IGFL2: variants seen among roughly 807,000 people sequenced by gnomAD.
IGFL2 encodes IGF like family member 2.
A neutral mutation model predicts 13.9 loss-of-function variants in IGFL2; 7 were observed. The ratio of observed to expected loss-of-function variants is 0.51; its 90% confidence interval spans 0.29 to 0.95. IGFL2 has a LOEUF of 0.95. Among genes scored for constraint, IGFL2 ranks in the 40% least tolerant of loss-of-function variants. The pLI is 0.08. For missense variants in IGFL2, 138 were observed against 147.8 expected, an observed-to-expected ratio of 0.93 and a Z score of 0.34; for synonymous variants, 55 against 55.8, an observed-to-expected ratio of 0.99 and a Z score of 0.07.
At chr19:46,134,427 A>T in the IGFL2 span, among the ~76,000 whole-genome samples, 1 of 152,176 alleles carries the variant, frequency 6.6e-6, no homozygotes, top group African/African-American at 2.4e-5. Flanking sequence ...TATTATTGTT[A>T]CATTGTAATA....
At chr19:46,133,994 T>A in the IGFL2 span, among the ~76,000 whole-genome samples, 1 of 152,154 alleles carries the variant, frequency 6.6e-6, no homozygotes, top group Non-Finnish European at 1.5e-5. Flanking sequence ...AGGGCTTTTT[T>A]TATTAGGCAA....
At chr19:46,197,436 C>A in the IGFL2 span, 1 of 155,462 alleles carries the variant, frequency 6.4e-6, no homozygotes, top group South Asian at 2.0e-4. Flanking sequence ...TTCCTCCCTT[C>A]GTTTTTATTT....
chr19:46,206,294 C>T, the IGFL2 span, among the ~76,000 whole-genome samples: 17 of 152,210 alleles, frequency 1.1e-4, no homozygotes, highest in African/African-American at 3.9e-4. Flanking sequence ...CAGCTGGGCT[C>T]CTCTCTTCCA....
chr19:46,124,412 G>A, the IGFL2 span: 2 of 1,398,436 alleles, frequency 1.4e-6, no homozygotes, highest in Admixed American at 1.8e-5. Context: ...GGTTAGGGTG[G>A]TTTAAAGGTG....
At chr19:46,163,001 G>A (rs553622273), downstream of IGFL2, among the ~76,000 whole-genome samples, 22 of 152,310 alleles carry the variant, frequency 1.4e-4, no homozygotes, top group African/African-American at 5.1e-4. Flanking sequence ...CTGGGCTGAG[G>A]CTTTGTGTGG....
upstream of IGFL2, among the ~76,000 whole-genome samples, chr19:46,144,505 T>G (rs1973016523): frequency 6.6e-6 from 1 of 152,208 alleles, no homozygotes; most frequent in Non-Finnish European, 1.5e-5. Context: ...TCAAATATAC[T>G]TACTCGATGT....
the IGFL2 span, among the ~76,000 whole-genome samples, chr19:46,081,992 A>G: frequency 6.6e-6 from 1 of 152,210 alleles, no homozygotes; most frequent in Non-Finnish European, 1.5e-5. Context: ...TAACACCATC[A>G]TGGCTAGAAA....
chr19:46,195,107 C>G, the IGFL2 span: 2 of 151,234 alleles, frequency 1.3e-5, no homozygotes, highest in African/African-American at 4.9e-5. Flanking sequence ...CCTCCACCTC[C>G]CGGGTTCAAG....
the IGFL2 span, among the ~76,000 whole-genome samples, chr19:46,185,309 C>T: frequency 1.3e-5 from 2 of 152,186 alleles, no homozygotes; most frequent in Admixed American, 6.5e-5. Context: ...GCTCAGTTTC[C>T]TTGTGTCTAC....
the IGFL2 span, chr19:46,197,150 G>A: frequency 1.8e-3 from 403 of 229,328 alleles, 12 homozygotes; most frequent in East Asian, 0.039. Flanking sequence ...GACCCAGAGG[G>A]GTGGAACTGC....
chr19:46,186,981 G>T, the IGFL2 span, among the ~76,000 whole-genome samples: 2 of 152,262 alleles, frequency 1.3e-5, no homozygotes, highest in African/African-American at 4.8e-5. Context: ...CTGGTAGATA[G>T]TGTAAAGTAT....
the IGFL2 span, among the ~76,000 whole-genome samples, chr19:46,129,304 C>CTT: frequency 2.3e-3 from 273 of 118,400 alleles, 4 homozygotes; most frequent in African/African-American, 8.0e-3. Flanking sequence ...ATTTGTTGAT[C>CTT]TTTTGTGTGT....
chr19:46,096,412 G>A, the IGFL2 span, among the ~76,000 whole-genome samples: 1 of 152,116 alleles, frequency 6.6e-6, no homozygotes, highest in South Asian at 2.1e-4. Flanking sequence ...AGCTTAAGGA[G>A]CTTTTGGGCT....
At chr19:46,190,905 C>A in the IGFL2 span, among the ~76,000 whole-genome samples, 1 of 152,120 alleles carries the variant, frequency 6.6e-6, no homozygotes, top group Non-Finnish European at 1.5e-5. Flanking sequence ...GTTGACTATT[C>A]GGGAGTCCCG....
At chr19:46,206,055 C>T in the IGFL2 span, among the ~76,000 whole-genome samples, 4 of 152,272 alleles carry the variant, frequency 2.6e-5, no homozygotes, top group South Asian at 8.3e-4. Context: ...TTATCTGACC[C>T]TTTGAGAAAA....
chr19:46,133,307 C>G, the IGFL2 span, among the ~76,000 whole-genome samples: 1 of 152,186 alleles, frequency 6.6e-6, no homozygotes, highest in Admixed American at 6.5e-5. Context: ...CGCTTGCTAG[C>G]AGTCTTGCCA....
At chr19:46,113,536 G>A in the IGFL2 span, 1 of 331,292 alleles carries the variant, frequency 3.0e-6, no homozygotes, top group South Asian at 2.8e-5. Context: ...GTTGTCACAG[G>A]AAAGACAATG....
chr19:46,115,592 G>C, the IGFL2 span, among the ~76,000 whole-genome samples: 1 of 152,048 alleles, frequency 6.6e-6, no homozygotes. Flanking sequence ...GCCTGATTCA[G>C]ATTCACCTCA....
the IGFL2 span, among the ~76,000 whole-genome samples, chr19:46,086,873 G>A: frequency 0.63 from 95,514 of 151,832 alleles, 30,456 homozygotes; most frequent in Non-Finnish European, 0.67. Flanking sequence ...TAGTCTCTGT[G>A]TGATTTATTT....
Sources: gnomAD v4.1 joint callset for allele counts (sites outside exome capture counted in the v4.1 genomes callset) on GRCh38, gnomAD v4.1.1 for gene constraint, MANE v1.5 for transcripts, NCBI Gene and HGNC (gene_info 2026-07-23, HGNC 2026-07-21) for gene names.